The following ASCC1 variants were observed in gnomAD, a reference collection of about 807,000 sequenced individuals.
The protein encoded by ASCC1 is activating signal cointegrator 1 complex subunit 1.
In ASCC1, 35 loss-of-function variants were observed where a neutral mutation model predicts 46.6. The observed-to-expected ratio is 0.75, with a 90% confidence interval of 0.57 to 0.99. The LOEUF is 0.99. ASCC1 is among the 50% of genes least tolerant of loss of function. The pLI is 0.00. For synonymous variants in ASCC1, 143 were observed against 146.6 expected, an observed-to-expected ratio of 0.98 and a Z score of 0.18; for missense variants, 376 against 428.7, an observed-to-expected ratio of 0.88 and a Z score of 1.09.
intron 5 of ASCC1, among the ~76,000 whole-genome samples, chr10:72,172,414 C>CAA (rs1041390323): frequency 2.3e-3 from 89 of 39,378 alleles, no homozygotes; most frequent in Non-Finnish European, 3.4e-3. Flanking sequence ...AACTCAGTCT[C>CAA]AAAAAAAAAA....
At chr10:72,185,501 CAT>C (rs926562001) in intron 5 of ASCC1, among the ~76,000 whole-genome samples, 24 of 152,142 alleles carry the variant, frequency 1.6e-4, no homozygotes, top group African/African-American at 3.1e-4. Flanking sequence ...CTATAACACA[CAT>C]GACTGACTCC....
At position 72,096,154 on chromosome 10, in the gene ASCC1, AAG is replaced by A. The variant is rs1426840392; in HGVS notation, c.*1178_*1179del. Reference sequence around the variant, plus strand: ...TTCAGAAGTGCAGTTAAAGAATATAAAGAGAGAAAGAATCAAGGCAAGAATAA... The same window carrying A: ...TTCAGAAGTGCAGTTAAAGAATATAAAGAGAAAGAATCAAGGCAAGAATAA... On this transcript the variant is annotated 3_prime_UTR_variant, in exon 10 of 10. Transcript: ENST00000672957. The A allele has an allele frequency of 2.2e-6, 1 of 454,020 alleles. No individual in the cohort carries two copies. The highest frequency in any genetic ancestry group is 4.4e-6 in the Non-Finnish European group (1 of 226,792). The allele number at this position is 454,020 out of a possible 1,614,324, so 28.1% of individuals were successfully genotyped here.
rs181210388 is a variant in ASCC1, at chr10:72,142,548, G to A, written c.747-9367C>T. On this transcript the variant is annotated intron_variant, in intron 7 of 9. Coordinates refer to ENST00000672957, the MANE Select transcript of ASCC1 (RefSeq NM_001198800.3). Reference sequence around the variant, plus strand: ...TGCCCGGCTAATTTTTGTATTTTTCGTAGAGACGGGGTTTCACCATGTTGG... The same window carrying A: ...TGCCCGGCTAATTTTTGTATTTTTCATAGAGACGGGGTTTCACCATGTTGG... 2.8e-3 allele frequency among the ~76,000 whole-genome samples: 429 copies of A among 151,908 alleles called. 4 individuals are homozygous for A. Among genetic ancestry groups the A allele is most frequent in the Non-Finnish European group, 4.7e-3 (319 of 67,934 alleles).
chr10:72,183,900 T>A (rs1853033033), intron 5 of ASCC1, among the ~76,000 whole-genome samples: 1 of 152,062 alleles, frequency 6.6e-6, no homozygotes, highest in South Asian at 2.1e-4. Flanking sequence ...TCCCAGCACT[T>A]TGGGAGGCTG....
intron 6 of ASCC1, among the ~76,000 whole-genome samples, chr10:72,157,536 T>C (rs1300806199): frequency 6.6e-6 from 1 of 152,178 alleles, no homozygotes; most frequent in Non-Finnish European, 1.5e-5. Flanking sequence ...AATGTTTTTA[T>C]CTTCTGCAAA....
intron 9 of ASCC1, among the ~76,000 whole-genome samples, chr10:72,114,514 A>G (rs1484251761): frequency 1.3e-5 from 2 of 151,430 alleles, no homozygotes; most frequent in African/African-American, 2.4e-5. Flanking sequence ...AGTCCCAGCT[A>G]CTCGGGAGGC....
rs747551586 is a variant in ASCC1 at position 72,097,076 on chromosome 10, C to T, written c.*258G>A. ...GACAGTATGTTTTATGAGTATTTTACGACAATTTAAAAATTAAAAGAAAAA... is the reference window on the plus strand; with the variant it reads ...GACAGTATGTTTTATGAGTATTTTATGACAATTTAAAAATTAAAAGAAAAA... On this transcript the variant is annotated 3_prime_UTR_variant, in exon 10 of 10. Transcript: ENST00000672957. 20 of 510,858 alleles carry T rather than the reference C, an allele frequency of 3.9e-5. No homozygotes were observed. Among genetic ancestry groups the T allele is most frequent in the Non-Finnish European group, 6.4e-5 (17 of 264,272 alleles). 31.6% of individuals were successfully genotyped at this position (510,858 alleles called of 1,614,324 possible).
At chr10:72,211,426 C>A (rs1424172344) in intron 2 of ASCC1, among the ~76,000 whole-genome samples, 3 of 152,104 alleles carry the variant, frequency 2.0e-5, no homozygotes, top group African/African-American at 7.2e-5. Context: ...AAAACCCCCT[C>A]ATCTCTACAA....
chr10:72,108,064 CTTTTTCTTTTTCTTTTTTTTT>C (rs1842537759), intron 9 of ASCC1, among the ~76,000 whole-genome samples: 1 of 145,670 alleles, frequency 6.9e-6, no homozygotes, highest in East Asian at 2.0e-4. Context: ...CTTTCTTTTT[CTTTTTCTTTTTCTTTTTTTTT>C]TTTTTTTTTG....
At chr10:72,211,601 G>A (rs946449333) in intron 2 of ASCC1, among the ~76,000 whole-genome samples, 17 of 151,614 alleles carry the variant, frequency 1.1e-4, no homozygotes, top group African/African-American at 4.1e-4. Context: ...GGCTGGGCAC[G>A]GTGACTCATG....
intron 9 of ASCC1, among the ~76,000 whole-genome samples, chr10:72,116,535 A>G (rs1399186510): frequency 6.6e-6 from 1 of 152,120 alleles, no homozygotes; most frequent in African/African-American, 2.4e-5. Context: ...TATATGTTAG[A>G]TCTTCTCACT....
chr10:72,197,895 G>C (rs960724594), intron 4 of ASCC1, among the ~76,000 whole-genome samples: 1 of 138,286 alleles, frequency 7.2e-6, no homozygotes, highest in African/African-American at 3.3e-5. Context: ...AACAGAGCTA[G>C]ACCCTGTCTC....
intron 6 of ASCC1, among the ~76,000 whole-genome samples, chr10:72,160,155 C>T (rs1589401282): frequency 1.3e-5 from 2 of 152,072 alleles, no homozygotes; most frequent in Admixed American, 6.6e-5. Context: ...CTGCCCGCCT[C>T]GGCCTCCCAA....
intron 8 of ASCC1, among the ~76,000 whole-genome samples, chr10:72,130,969 G>A (rs1209643441): frequency 6.6e-6 from 1 of 151,868 alleles, no homozygotes; most frequent in Non-Finnish European, 1.5e-5. Context: ...TCATCTCAGG[G>A]GATTCTCAAT....
Position 72,133,162 on chromosome 10 carries a change from G to T in ASCC1, c.766C>A (p.Arg256=), listed in dbSNP as rs141611243. The T allele has an allele frequency of 3.8e-5, 62 of 1,613,788 alleles. No homozygotes were observed. The highest frequency in any genetic ancestry group is 5.1e-5 in the Non-Finnish European group (60 of 1,179,854). The change falls in exon 8 of 10, where the codon CGA becomes AGA. Residue 256 remains arginine, a synonymous_variant. Coordinates refer to ENST00000672957, the MANE Select transcript of ASCC1 (RefSeq NM_001198800.3). ...GATGCCTGAAAACGTTCCAGCACTC[G>T]ATCAACTAATTCTTGTAGCCTGGAG... is the stretch of plus-strand genomic sequence containing the variant. ...GSNRLQELVD[R]VLERFQASGL... is the part of the protein sequence containing the mutation.
chr10:72,200,368 G>C (rs1487009898), intron 4 of ASCC1, among the ~76,000 whole-genome samples: 1 of 151,832 alleles, frequency 6.6e-6, no homozygotes, highest in Non-Finnish European at 1.5e-5. Flanking sequence ...GAAAAAATTA[G>C]GGCTGGGCGC....
intron 9 of ASCC1, among the ~76,000 whole-genome samples, chr10:72,107,479 G>A (rs758714895): frequency 6.6e-6 from 1 of 152,106 alleles, no homozygotes; most frequent in Non-Finnish European, 1.5e-5. Flanking sequence ...AGAAGGAAAT[G>A]GAGATCCACC....
At chr10:72,102,486 T>G in intron 9 of ASCC1, 1 of 1,205,830 alleles carries the variant, frequency 8.3e-7, no homozygotes, top group Non-Finnish European at 1.2e-6. Flanking sequence ...TGAGTTGTAG[T>G]TCTTTTTATA....
chr10:72,129,102 C>T (rs1845244712), intron 8 of ASCC1, among the ~76,000 whole-genome samples: 1 of 152,136 alleles, frequency 6.6e-6, no homozygotes, highest in Admixed American at 6.5e-5. Flanking sequence ...GAACATAATA[C>T]ATAATACATT....
Sources: gnomAD v4.1 joint callset for allele counts (sites outside exome capture counted in the v4.1 genomes callset) on GRCh38, gnomAD v4.1.1 for gene constraint, MANE v1.5 for transcripts, NCBI Gene and HGNC (gene_info 2026-07-23, HGNC 2026-07-21) for gene names.